LYPLAL1: variants seen among roughly 807,000 people sequenced by gnomAD.
LYPLAL1 encodes lysophospholipase like 1.
LYPLAL1 carries 23 observed loss-of-function variants against 19.7 expected under a neutral mutation model. The ratio of observed to expected loss-of-function variants is 1.17; its 90% CI spans 0.84 to 1.65. The LOEUF (loss-of-function observed/expected upper bound fraction) is 1.65. LYPLAL1 is among the 40% of genes most tolerant of loss of function. The pLI, the probability that LYPLAL1 is intolerant of heterozygous loss-of-function variation, is 0.00. For missense variants in LYPLAL1, 355 were observed against 279.4 expected (o/e 1.27, Z -1.93); for synonymous variants, 119 against 96.3 (o/e 1.24, Z -1.38).
In LYPLAL1 at chr1:219,179,185, G is replaced by T; in HGVS notation, c.130G>T (p.Val44Phe). 1 of 1,612,466 alleles carries T rather than the reference G, an allele frequency of 6.2e-7. No homozygotes were observed. Among genetic ancestry groups the T allele is most frequent in the East Asian group, 2.2e-5 (1 of 44,750 alleles). ...GQGLRMWIKQ[V>F]LNQDLTFQHI... ...AGGATTAAGAATGTGGATCAAGCAGGTTTTAAATCAAGATTTAACATTCCA... is the reference window on the plus strand; with the variant it reads ...AGGATTAAGAATGTGGATCAAGCAGTTTTTAAATCAAGATTTAACATTCCA... The change falls in exon 2 of 5, where the codon GTT becomes TTT. Residue 44 changes from valine to phenylalanine, a missense_variant. Val to Phe is a conservative substitution (Grantham distance 50). Transcript: ENST00000366928.
chr1:219,380,146 C>A, the LYPLAL1 span, among the ~76,000 whole-genome samples: 1 of 152,270 alleles, frequency 6.6e-6, no homozygotes, highest in East Asian at 1.9e-4. Flanking sequence ...AATTAAAGCC[C>A]AGAGGAGTTA....
At chr1:219,229,294 TGAGAGAGAGAGAGAGAGAGAGA>T in the LYPLAL1 span, among the ~76,000 whole-genome samples, 12 of 132,924 alleles carry the variant, frequency 9.0e-5, no homozygotes, top group Admixed American at 1.5e-4. Context: ...ACAAGCATTT[TGAGAGAGAGAGAGAGAGAGAGA>T]GAGAGAGAGA....
the LYPLAL1 span, among the ~76,000 whole-genome samples, chr1:219,308,426 T>C: frequency 3.3e-5 from 5 of 152,166 alleles, no homozygotes; most frequent in Non-Finnish European, 7.3e-5. Context: ...ATCCCCAAGA[T>C]AATGGGAAAA....
the LYPLAL1 span, among the ~76,000 whole-genome samples, chr1:219,411,043 G>C: frequency 6.6e-6 from 1 of 152,238 alleles, no homozygotes; most frequent in African/African-American, 2.4e-5. Context: ...GCGAGCGCAC[G>C]GCACAGGACT....
the LYPLAL1 span, among the ~76,000 whole-genome samples, chr1:219,373,863 C>T: frequency 9.8e-6 from 1 of 102,216 alleles, no homozygotes; most frequent in Non-Finnish European, 2.0e-5. Context: ...ATAAAATTGT[C>T]AAAAAAAAAA....
intron 3 of LYPLAL1, among the ~76,000 whole-genome samples, chr1:219,202,749 C>T (rs765688831): frequency 1.3e-5 from 2 of 152,012 alleles, no homozygotes; most frequent in Non-Finnish European, 2.9e-5. Context: ...GTGATCATAG[C>T]TCACTGCAAC....
the LYPLAL1 span, among the ~76,000 whole-genome samples, chr1:219,394,325 G>A: frequency 6.6e-6 from 1 of 152,156 alleles, no homozygotes; most frequent in African/African-American, 2.4e-5. Context: ...TTTTTAAAGA[G>A]TACCAGCCTT....
At chr1:219,392,104 G>T in the LYPLAL1 span, among the ~76,000 whole-genome samples, 2 of 152,222 alleles carry the variant, frequency 1.3e-5, no homozygotes, top group East Asian at 3.9e-4. Context: ...AGACTCCCCT[G>T]TTTGGGGTCA....
the LYPLAL1 span, among the ~76,000 whole-genome samples, chr1:219,422,232 T>C: frequency 6.6e-6 from 1 of 152,238 alleles, no homozygotes; most frequent in African/African-American, 2.4e-5. Flanking sequence ...TGTAGTGCAA[T>C]AGCAACCACA....
the LYPLAL1 span, among the ~76,000 whole-genome samples, chr1:219,427,701 G>T: frequency 6.6e-6 from 1 of 152,202 alleles, no homozygotes. Flanking sequence ...TCTCCTCTGA[G>T]ATGAGAAACA....
the LYPLAL1 span, among the ~76,000 whole-genome samples, chr1:219,420,826 T>C: frequency 1.3e-5 from 2 of 152,192 alleles, no homozygotes; most frequent in African/African-American, 4.8e-5. Flanking sequence ...TTACTATAAA[T>C]TCTGGCTTTC....
At chr1:219,210,335 C>T in intron 3 of LYPLAL1, 197 bp from the exon 4 acceptor site, 1 of 353,100 alleles carries the variant, frequency 2.8e-6, no homozygotes. Context: ...GCTCTCTTTA[C>T]CAGTGGTGAC....
At chr1:219,198,695 G>T (rs1475362704) in intron 3 of LYPLAL1, 1 of 151,940 alleles carries the variant, frequency 6.6e-6, no homozygotes, top group Non-Finnish European at 1.5e-5. Flanking sequence ...TTTTCATTCT[G>T]ATGTATAAGT....
intron 3 of LYPLAL1, among the ~76,000 whole-genome samples, chr1:219,198,294 A>T (rs1251089439): frequency 6.6e-6 from 1 of 152,094 alleles, no homozygotes; most frequent in African/African-American, 2.4e-5. Context: ...AAAGAAAAAA[A>T]ACTATTATTA....
At chr1:219,174,142 C>T in intron 1 of LYPLAL1, 161 bp downstream of exon 1, 2 of 1,448,576 alleles carry the variant, frequency 1.4e-6, no homozygotes, top group East Asian at 2.5e-5. Flanking sequence ...GGCAGCGCCA[C>T]CTGCCCCCAG....
chr1:219,195,195 A>G (rs1364940663), intron 3 of LYPLAL1, among the ~76,000 whole-genome samples: 18 of 152,150 alleles, frequency 1.2e-4, no homozygotes, highest in Admixed American at 1.2e-3. Context: ...TACTCTGTTC[A>G]GTTTTTAATC....
chr1:219,431,406 G>GTCA, the LYPLAL1 span, among the ~76,000 whole-genome samples: 2 of 152,194 alleles, frequency 1.3e-5, no homozygotes, highest in Non-Finnish European at 2.9e-5. Context: ...AAACAAAAGT[G>GTCA]GCTGTCTGCT....
At chr1:219,421,155 G>T in the LYPLAL1 span, among the ~76,000 whole-genome samples, 4 of 152,166 alleles carry the variant, frequency 2.6e-5, no homozygotes, top group Non-Finnish European at 5.9e-5. Context: ...GGTGAACTGA[G>T]TGTAACCTTT....
At chr1:219,235,947 T>A in the LYPLAL1 span, among the ~76,000 whole-genome samples, 1 of 152,322 alleles carries the variant, frequency 6.6e-6, no homozygotes, top group South Asian at 2.1e-4. Flanking sequence ...ATAGTGAGCT[T>A]AAATAAGCAT....
Sources: gnomAD v4.1 joint callset for allele counts (sites outside exome capture counted in the v4.1 genomes callset) on GRCh38, gnomAD v4.1.1 for gene constraint, MANE v1.5 for transcripts, NCBI Gene and HGNC (gene_info 2026-07-23, HGNC 2026-07-21) for gene names.